LINGO2: variants seen among roughly 807,000 people sequenced by gnomAD.
LINGO2 encodes the protein leucine rich repeat and Ig domain containing 2, also known as leucine-rich repeat and immunoglobulin-like domain-containing nogo receptor-interacting protein 2.
A neutral mutation model predicts 30.6 loss-of-function variants in LINGO2; 14 were observed. The ratio of observed to expected loss-of-function variants is 0.46; its 90% CI spans 0.30 to 0.72. The LOEUF (loss-of-function observed/expected upper bound fraction) is 0.72, where lower values mean the gene tolerates loss of function less well. Ranked by LOEUF, LINGO2 falls within the 30% of genes least tolerant of loss-of-function variation. The pLI is 0.07. For synonymous variants in LINGO2, 317 were observed against 288.5 expected (o/e 1.10, Z -1.00); for missense variants, 729 against 751.7 (o/e 0.97, Z 0.35).
chr9:28,739,952 T>A, the LINGO2 span, among the ~76,000 whole-genome samples: 83,731 of 119,696 alleles, frequency 0.7, 25,542 homozygotes, highest in Non-Finnish European at 0.75. Context: ...ATATATATAT[T>A]TTTTTTTTCT....
chr9:28,108,409 T>G (rs1360875836), intron 4 of LINGO2, among the ~76,000 whole-genome samples: 3 of 152,162 alleles, frequency 2.0e-5, no homozygotes, highest in Non-Finnish European at 4.4e-5. Context: ...TCTGGTACTC[T>G]TCCATGTAAG....
the LINGO2 span, among the ~76,000 whole-genome samples, chr9:28,840,284 G>A: frequency 1.8e-4 from 28 of 151,922 alleles, no homozygotes; most frequent in African/African-American, 5.3e-4. Context: ...TCTGTGGAGC[G>A]TGCAGCCCCA....
intron 1 of LINGO2, among the ~76,000 whole-genome samples, chr9:28,631,149 CTTTA>C (rs894049717): frequency 2.3e-4 from 35 of 151,778 alleles, no homozygotes; most frequent in East Asian, 1.2e-3. Flanking sequence ...TGCTTTATCA[CTTTA>C]TTTATTTATT....
chr9:28,693,761 G>A, the LINGO2 span, among the ~76,000 whole-genome samples: 1 of 151,988 alleles, frequency 6.6e-6, no homozygotes, highest in Non-Finnish European at 1.5e-5. Context: ...AAATGTTGGG[G>A]GGATGGTAGG....
the LINGO2 span, among the ~76,000 whole-genome samples, chr9:29,182,171 T>A: frequency 6.6e-6 from 1 of 152,208 alleles, no homozygotes; most frequent in South Asian, 2.1e-4. Context: ...CCAGTAGTCT[T>A]TAAATGGCAA....
At chr9:28,934,877 T>C in the LINGO2 span, among the ~76,000 whole-genome samples, 1 of 152,282 alleles carries the variant, frequency 6.6e-6, no homozygotes, top group South Asian at 2.1e-4. Context: ...CATTGTCTGC[T>C]GAATACATAC....
intron 1 of LINGO2, among the ~76,000 whole-genome samples, chr9:28,644,367 G>A (rs1160544728): frequency 6.6e-6 from 1 of 151,912 alleles, no homozygotes; most frequent in Non-Finnish European, 1.5e-5. Context: ...CCATAAAAAA[G>A]AATGAGATCC....
the LINGO2 span, chr9:28,888,806 G>T: frequency 3.9e-6 from 2 of 512,534 alleles, no homozygotes; most frequent in African/African-American, 3.9e-5. Flanking sequence ...GAACTTGGAG[G>T]AACTGACAAC....
chr9:28,066,143 C>A (rs1274561474), intron 4 of LINGO2, among the ~76,000 whole-genome samples: 1 of 152,028 alleles, frequency 6.6e-6, no homozygotes, highest in Non-Finnish European at 1.5e-5. Context: ...ACCCTGTTAC[C>A]TTAATTTACC....
chr9:28,892,922 C>T, the LINGO2 span, among the ~76,000 whole-genome samples: 4 of 152,000 alleles, frequency 2.6e-5, no homozygotes, highest in East Asian at 7.7e-4. Context: ...ACTTCATTTT[C>T]AAAGAATTTA....
Position 28,565,264 on chromosome 9 carries a change from T to G in LINGO2, c.-364-89239A>C, listed in dbSNP as rs996147288. Among the ~76,000 whole-genome samples, 7 of 151,926 alleles carry G rather than the reference T, an allele frequency of 4.6e-5. No homozygotes were observed. The South Asian group carries it at 8.3e-4, about 18-fold the overall frequency. On this transcript the variant is annotated intron_variant, in intron 1 of 5. Coordinates refer to ENST00000379992, the Ensembl canonical transcript of LINGO2. ...GTGCAGTGGCGCCATCTCAGCTCAT[T>G]ACAAGCTCCGCCTCCTGGGTTCATG...
chr9:28,849,253 C>A, the LINGO2 span, among the ~76,000 whole-genome samples: 1 of 29,538 alleles, frequency 3.4e-5, no homozygotes. Flanking sequence ...CTGCAAACAC[C>A]TAAAGCAGCT....
chr9:28,089,980 C>A (rs929172120), intron 4 of LINGO2, among the ~76,000 whole-genome samples: 1 of 152,158 alleles, frequency 6.6e-6, no homozygotes, highest in African/African-American at 2.4e-5. Flanking sequence ...TGGATAAATT[C>A]CTGGACATAT....
intron 4 of LINGO2, among the ~76,000 whole-genome samples, chr9:28,082,380 A>T (rs1825796100): frequency 6.7e-6 from 1 of 150,300 alleles, no homozygotes; most frequent in Non-Finnish European, 1.5e-5. Flanking sequence ...TGTCAGATTT[A>T]AAAAAATCAT....
At chr9:28,456,205 T>C (rs749881669) in intron 2 of LINGO2, among the ~76,000 whole-genome samples, 2 of 152,158 alleles carry the variant, frequency 1.3e-5, no homozygotes, top group Admixed American at 1.3e-4. Flanking sequence ...ATTTTACACA[T>C]AAGCAAAGTG....
In LINGO2 at chr9:28,039,616, A is replaced by G. The variant is rs917476122; in HGVS notation, c.-86-27211T>C. On this transcript the variant is annotated intron_variant, in intron 4 of 5. Transcript: ENST00000379992. ...TTGGACTCTGTATATAAACAGTATTACATCTGGGTGGATATGCTGTTGACC... is the reference window on the plus strand; with the variant it reads ...TTGGACTCTGTATATAAACAGTATTGCATCTGGGTGGATATGCTGTTGACC... Among the ~76,000 whole-genome samples, 6 of 152,180 alleles carry G rather than the reference A, an allele frequency of 3.9e-5. No homozygotes were observed. The East Asian group carries it at 5.8e-4, about 15-fold the overall frequency.
the LINGO2 span, among the ~76,000 whole-genome samples, chr9:29,071,651 G>A: frequency 2.6e-5 from 4 of 151,620 alleles, no homozygotes; most frequent in Non-Finnish European, 5.9e-5. Context: ...GCACTAAGGT[G>A]AAAACTTCAG....
chr9:28,188,169 G>T (rs1356839976), intron 4 of LINGO2, among the ~76,000 whole-genome samples: 2 of 152,116 alleles, frequency 1.3e-5, no homozygotes, highest in African/African-American at 4.8e-5. Context: ...GGACTAAACA[G>T]CTGACAGGCT....
the LINGO2 span, among the ~76,000 whole-genome samples, chr9:29,088,232 T>C: frequency 7.4e-3 from 1,124 of 152,244 alleles, 12 homozygotes; most frequent in African/African-American, 0.026. Context: ...CTAGGAGCTT[T>C]TGAGTCCTCC....
Sources: gnomAD v4.1 joint callset for allele counts (sites outside exome capture counted in the v4.1 genomes callset) on GRCh38, gnomAD v4.1.1 for gene constraint, MANE v1.5 for transcripts, NCBI Gene and HGNC (gene_info 2026-07-23, HGNC 2026-07-21) for gene names.